The following SLC25A21 variants were observed in gnomAD, a reference collection of about 807,000 sequenced individuals.
SLC25A21 encodes mitochondrial 2-oxodicarboxylate carrier.
In SLC25A21, 47 loss-of-function variants were observed where a neutral mutation model predicts 43.8. The observed-to-expected ratio is 1.07, with a 90% CI of 0.85 to 1.37. The LOEUF is 1.37. SLC25A21 is among the 40% of genes most tolerant of loss of function. The pLI is 0.00. For missense variants in SLC25A21, 352 were observed against 350.2 expected (o/e 1.00, Z -0.04); for synonymous variants, 131 against 121.3 (o/e 1.08, Z -0.52).
chr14:36,758,458 A>C (rs1303889864), intron 3 of SLC25A21, among the ~76,000 whole-genome samples: 1 of 152,000 alleles, frequency 6.6e-6, no homozygotes, highest in Non-Finnish European at 1.5e-5. Context: ...TATAATTCAG[A>C]TGTCTCCAAC....
chr14:36,686,168 A>G (rs959155593), intron 7 of SLC25A21, among the ~76,000 whole-genome samples: 4 of 152,226 alleles, frequency 2.6e-5, no homozygotes, highest in African/African-American at 9.6e-5. Context: ...GCCAGTTACC[A>G]TCACAGAAAC....
intron 1 of SLC25A21, among the ~76,000 whole-genome samples, chr14:37,148,851 A>T (rs768017258): frequency 1.2e-4 from 19 of 152,254 alleles, no homozygotes; most frequent in Non-Finnish European, 2.2e-4. Context: ...TGCTTGTGAA[A>T]AGCCTCTTTG....
chr14:37,133,863 T>C (rs1204259924), intron 1 of SLC25A21, among the ~76,000 whole-genome samples: 1 of 152,164 alleles, frequency 6.6e-6, no homozygotes, highest in Admixed American at 6.5e-5. Flanking sequence ...AACATAATTA[T>C]TTACTTCCTC....
chr14:36,848,468 C>T (rs766724923), intron 2 of SLC25A21, among the ~76,000 whole-genome samples: 5 of 152,174 alleles, frequency 3.3e-5, no homozygotes, highest in Non-Finnish European at 5.9e-5. Flanking sequence ...CTGTCAGCAG[C>T]ACTCTGCAAC....
At chr14:36,684,629 A>T in intron 8 of SLC25A21, 115 bp downstream of exon 8, 2 of 923,658 alleles carry the variant, frequency 2.2e-6, no homozygotes, top group Non-Finnish European at 3.1e-6. Context: ...GCAGTTTCTT[A>T]GACACAAGCT....
intron 1 of SLC25A21, among the ~76,000 whole-genome samples, chr14:37,135,855 T>C (rs1285507665): frequency 6.6e-6 from 1 of 152,224 alleles, no homozygotes; most frequent in Non-Finnish European, 1.5e-5. Context: ...AATGAAATTG[T>C]TGGTAGGTCC....
At chr14:37,025,251 A>C (rs1028600062) in intron 1 of SLC25A21, among the ~76,000 whole-genome samples, 8 of 152,172 alleles carry the variant, frequency 5.3e-5, no homozygotes, top group African/African-American at 1.9e-4. Context: ...TCTTAATCTT[A>C]CTTTGCTCAT....
intron 1 of SLC25A21, among the ~76,000 whole-genome samples, chr14:36,988,038 G>T (rs887863629): frequency 3.9e-5 from 6 of 152,168 alleles, no homozygotes; most frequent in Admixed American, 1.3e-4. Context: ...GTGTAAAGAT[G>T]ACCAGAGGAG....
At chr14:37,064,553 C>G (rs967010120) in intron 1 of SLC25A21, among the ~76,000 whole-genome samples, 4 of 152,086 alleles carry the variant, frequency 2.6e-5, no homozygotes, top group Non-Finnish European at 5.9e-5. Flanking sequence ...TAGCCTGGAT[C>G]CCCAAACAAC....
chr14:37,077,459 C>T (rs1000876296), intron 1 of SLC25A21, among the ~76,000 whole-genome samples: 5 of 152,072 alleles, frequency 3.3e-5, no homozygotes, highest in African/African-American at 1.2e-4. Context: ...GCGGACACAA[C>T]CTATGACTAC....
intron 5 of SLC25A21, among the ~76,000 whole-genome samples, chr14:36,726,558 TA>T (rs1437209833): frequency 2.6e-5 from 4 of 152,236 alleles, no homozygotes; most frequent in Non-Finnish European, 5.9e-5. Flanking sequence ...AAGGTGACTG[TA>T]TGTCAAGTTC....
In SLC25A21 at chr14:36,683,846, T is replaced by C; in HGVS notation, c.820A>G (p.Ile274Val). 6.2e-7 allele frequency: 1 copy of C among 1,606,440 alleles called. No homozygotes were observed. The highest frequency in any genetic ancestry group is 1.7e-4 in the Middle Eastern group (1 of 6,038). The change falls in exon 9 of 10, where the codon ATT becomes GTT. Residue 274 changes from isoleucine to valine, a missense_variant. Physicochemically the swap from Ile to Val is conservative, Grantham distance 29 (BLOSUM62 3). Transcript: ENST00000331299. The stretch of plus-strand genomic sequence containing the variant: ...TCATTACCTGGTCCAAGTCTCATAA[T>C]CTTGGGAAGCAGGCCTTTGTACAAA... Reference protein sequence around the residue: ...LALYKGLLPKIMRLGPGGAVM... With the variant: ...LALYKGLLPKVMRLGPGGAVM...
intron 1 of SLC25A21, chr14:37,097,317 T>A (rs1450792476): frequency 1.3e-5 from 2 of 152,102 alleles, no homozygotes; most frequent in South Asian, 2.1e-4. Flanking sequence ...CCCAAGCTGG[T>A]CTTGAACTCC....
rs1392595336 is a variant in SLC25A21, at chr14:37,022,321, T to C, written c.71-147317A>G. On this transcript the variant is annotated intron_variant, in intron 1 of 9. Coordinates refer to ENST00000331299, the MANE Select transcript of SLC25A21 (RefSeq NM_030631.4). ...TTATTAAAAATCTAACATAGTATAG[T>C]TTTCAATGTTTCACAATAAAAAAGA... 3.3e-5 allele frequency among the ~76,000 whole-genome samples: 5 copies of C among 152,078 alleles called. No homozygotes were observed. The South Asian group carries it at 6.2e-4, about 19-fold the overall frequency.
chr14:37,154,474 T>C (rs1325439506), intron 1 of SLC25A21, among the ~76,000 whole-genome samples: 2 of 149,034 alleles, frequency 1.3e-5, no homozygotes, highest in Non-Finnish European at 3.0e-5. Flanking sequence ...AAAAAATCAA[T>C]GAAATATGAC....
intron 1 of SLC25A21, among the ~76,000 whole-genome samples, chr14:36,891,940 A>C (rs1891083810): frequency 1.3e-5 from 2 of 152,142 alleles, no homozygotes; most frequent in Non-Finnish European, 2.9e-5. Flanking sequence ...TGGAAATTAC[A>C]ATCAGGGCTG....
In SLC25A21 at chr14:36,813,915, T is replaced by C; in HGVS notation, c.203+3A>G. The C allele has an allele frequency of 6.3e-7, 1 of 1,582,726 alleles. No homozygotes were observed. Among genetic ancestry groups the C allele is most frequent in the Non-Finnish European group, 8.6e-7 (1 of 1,156,506 alleles). On this transcript the variant is annotated splice_donor_region_variant and intron_variant, in intron 3 of 9. Transcript: ENST00000331299. Reference sequence around the variant, plus strand: ...AAAATGGCTATATGAAGAATATACATACCCTTCCATTTGGAAAATCATTCG... The same window carrying C: ...AAAATGGCTATATGAAGAATATACACACCCTTCCATTTGGAAAATCATTCG...
intron 1 of SLC25A21, among the ~76,000 whole-genome samples, chr14:36,892,642 C>T (rs915173420): frequency 2.6e-5 from 4 of 151,970 alleles, no homozygotes; most frequent in African/African-American, 9.7e-5. Context: ...TGGTGTGCTG[C>T]ACCCATTAAC....
chr14:36,989,502 CA>C (rs1417115335), intron 1 of SLC25A21, among the ~76,000 whole-genome samples: 1 of 139,162 alleles, frequency 7.2e-6, no homozygotes, highest in Non-Finnish European at 1.5e-5. Flanking sequence ...TTAACTAAAT[CA>C]TTTTTTTTTT....
Sources: gnomAD v4.1 joint callset for allele counts (sites outside exome capture counted in the v4.1 genomes callset) on GRCh38, gnomAD v4.1.1 for gene constraint, MANE v1.5 for transcripts, NCBI Gene and HGNC (gene_info 2026-07-23, HGNC 2026-07-21) for gene names.